The following CEP44 variants were observed in gnomAD, a reference collection of about 807,000 sequenced individuals.
The protein encoded by CEP44 is centrosomal protein of 44 kDa.
In CEP44, 45 loss-of-function variants were observed where a neutral mutation model predicts 46.7. That is an observed-to-expected ratio of 0.96 (90% CI 0.76 to 1.24). The LOEUF is 1.24. Among genes scored for constraint, CEP44 ranks in the 50% most tolerant of loss-of-function variants. CEP44 has a pLI of 0.00. For missense variants in CEP44, 475 were observed against 459.7 expected, an observed-to-expected ratio of 1.03 and a Z score of -0.30; for synonymous variants, 142 against 146.0, an observed-to-expected ratio of 0.97 and a Z score of 0.20.
At position 174,289,837 on chromosome 4, in the gene CEP44, CT is replaced by C. The variant is rs201413595; in HGVS notation, c.-148+5907del. ...TAAAGTTAGGTTGTTTTATTGAGAC[CT>C]TTTTTTTTTTTTCTTTGAGACAGAG... is the stretch of plus-strand genomic sequence containing the variant. On this transcript the variant is annotated intron_variant, in intron 1 of 11. Coordinates refer to ENST00000503780, the MANE Select transcript of CEP44 (RefSeq NM_001040157.3). Among the ~76,000 whole-genome samples the C allele has an allele frequency of 4.3e-3, 619 of 142,632 alleles. 1 individual carries two copies. The highest frequency in any genetic ancestry group is 0.01 in the African/African-American group (405 of 39,176). 93.6% of individuals were successfully genotyped at this position (142,632 alleles called of 152,430 possible).
chr4:174,303,527 C>T (rs1045082740), intron 4 of CEP44, among the ~76,000 whole-genome samples, 176 bp from the exon 5 acceptor site: 6 of 152,190 alleles, frequency 3.9e-5, no homozygotes, highest in African/African-American at 1.4e-4. Flanking sequence ...ACCTGTCTTA[C>T]TGGATCATGA....
At position 174,319,273 on chromosome 4, in the gene CEP44, T is replaced by A. The variant is rs1441649533; in HGVS notation, c.*1890T>A. On this transcript the variant is annotated 3_prime_UTR_variant, in exon 12 of 12. Coordinates refer to ENST00000503780, the MANE Select transcript of CEP44 (RefSeq NM_001040157.3). Reference sequence around the variant, plus strand: ...TGTGAGAGAAGTACATTTATAAAAATTAAGAGGTTAAGAGGTTATAGTTAT... The same window carrying A: ...TGTGAGAGAAGTACATTTATAAAAAATAAGAGGTTAAGAGGTTATAGTTAT... The A allele has an allele frequency of 2.1e-6, 2 of 967,282 alleles. No individual in the cohort carries two copies. The highest frequency in any genetic ancestry group is 2.3e-4 in the East Asian group (2 of 8,708). 59.9% of individuals were successfully genotyped at this position (967,282 alleles called of 1,614,324 possible).
chr4:174,319,240 T>G lies in CEP44; in HGVS notation c.*1857T>G. ...TTAATGAAGCATGTTAGCTTTAATT[T>G]TTTCAATTGTGAGAGAAGTACATTT... On this transcript the variant is annotated 3_prime_UTR_variant, in exon 12 of 12. Transcript: ENST00000503780. 2 of 971,336 alleles carry G rather than the reference T, an allele frequency of 2.1e-6. No homozygotes were observed. Among genetic ancestry groups the G allele is most frequent in the Non-Finnish European group, 2.4e-6 (2 of 817,040 alleles). 60.2% of individuals were successfully genotyped at this position (971,336 alleles called of 1,614,324 possible).
At chr4:174,289,676 A>G (rs1352421979) in intron 1 of CEP44, among the ~76,000 whole-genome samples, 1 of 152,038 alleles carries the variant, frequency 6.6e-6, no homozygotes, top group Non-Finnish European at 1.5e-5. Flanking sequence ...TTTTCAAAAG[A>G]GGAACTTTTA....
chr4:174,331,585 C>A lies in CEP44; in HGVS notation c.1190C>A (p.Ser397Tyr), dbSNP rs1201541803. The A allele has an allele frequency of 1.3e-6, 2 of 1,551,228 alleles. No homozygotes were observed. The highest frequency in any genetic ancestry group is 1.4e-5 in the African/African-American group (1 of 73,034). The change falls in exon 9 of 9, where the codon TCC becomes TAC. Residue 397 changes from serine to tyrosine, a missense_variant. By Grantham distance (144) the Ser-to-Tyr change is moderately radical. Coordinates refer to the CEP44 transcript ENST00000426172. This position sits in a 1 kb window ranked among gnomAD's most constrained non-coding sequence, Gnocchi z 4.5. ...TCACAGAGCTTTGCTTGGCCTCTCTCCTGTGTGTAATCTCTGTTTCTTGGA... is the reference window on the plus strand; with the variant it reads ...TCACAGAGCTTTGCTTGGCCTCTCTACTGTGTGTAATCTCTGTTTCTTGGA...
chr4:174,287,796 G>A lies in CEP44; in HGVS notation c.-148+3853G>A, dbSNP rs528471825. ...ACAATATGTTTATAAGTGTTTTGCA[G>A]TAACCTTTTTGTTTCTATAATTTCA... On this transcript the variant is annotated intron_variant, in intron 1 of 11. Coordinates refer to ENST00000503780, the MANE Select transcript of CEP44 (RefSeq NM_001040157.3). This position sits in a 1 kb window ranked among gnomAD's most constrained non-coding sequence, Gnocchi z 5.1. 8.1e-4 allele frequency among the ~76,000 whole-genome samples: 124 copies of A among 152,270 alleles called. No homozygotes were observed. Among genetic ancestry groups the A allele is most frequent in the Non-Finnish European group, 1.6e-3 (106 of 68,004 alleles).
chr4:174,301,757 C>T lies in CEP44; in HGVS notation c.90-282C>T, dbSNP rs145396724. Among the ~76,000 whole-genome samples, 2 of 152,028 alleles carry T rather than the reference C, an allele frequency of 1.3e-5. No individual in the cohort carries two copies. The highest frequency in any genetic ancestry group is 2.9e-5 in the Non-Finnish European group (2 of 67,992). The stretch of plus-strand genomic sequence containing the variant: ...TAGTAGTAGAAAATGGAGTAGATCA[C>T]GTAAGACTAAGCTTTGGAAAATCAA... On this transcript the variant is annotated intron_variant, in intron 3 of 11. Transcript: ENST00000503780. This position sits in a 1 kb window ranked among gnomAD's most constrained non-coding sequence, Gnocchi z 4.3.
chr4:174,287,052 G>A lies in CEP44; in HGVS notation c.-148+3109G>A, dbSNP rs368621077. Among the ~76,000 whole-genome samples, 1 of 152,144 alleles carries A rather than the reference G, an allele frequency of 6.6e-6. No individual in the cohort carries two copies. Among genetic ancestry groups the A allele is most frequent in the Non-Finnish European group, 1.5e-5 (1 of 68,030 alleles). ...GGCTAACCAGCAGGAGTTTGGGACC[G>A]ATGACAGTGCAAAACATCTTGACTG... On this transcript the variant is annotated intron_variant, in intron 1 of 11. Coordinates refer to ENST00000503780, the MANE Select transcript of CEP44 (RefSeq NM_001040157.3). This position sits in a 1 kb window ranked among gnomAD's most constrained non-coding sequence, Gnocchi z 5.1.
intron 1 of CEP44, among the ~76,000 whole-genome samples, chr4:174,285,994 T>C (rs917944557): frequency 1.3e-5 from 2 of 152,254 alleles, no homozygotes; most frequent in Non-Finnish European, 2.9e-5. Context: ...TTTCTAGTTA[T>C]CTCCCATTTG....
Position 174,313,338 on chromosome 4 carries a change from G to T in CEP44, c.961+2480G>T, listed in dbSNP as rs907024494. 2.7e-5 allele frequency among the ~76,000 whole-genome samples: 4 copies of T among 149,696 alleles called. No homozygotes were observed. In the Middle Eastern group the frequency reaches 0.01, roughly 384 times the overall value. ...AACTGTTAGTGCTCCTTTTTTATTT[G>T]CTTGTTTGTTTCGCTTTGTTTTGTG... is the stretch of plus-strand genomic sequence containing the variant. On this transcript the variant is annotated intron_variant, in intron 9 of 11. Coordinates refer to ENST00000503780, the MANE Select transcript of CEP44 (RefSeq NM_001040157.3).
Position 174,309,168 on chromosome 4 carries a change from C to T in CEP44, c.678+309C>T, listed in dbSNP as rs534834757. Among the ~76,000 whole-genome samples the T allele has an allele frequency of 6.6e-6, 1 of 152,062 alleles. No individual in the cohort carries two copies. The highest frequency in any genetic ancestry group is 1.5e-5 in the Non-Finnish European group (1 of 67,960). On this transcript the variant is annotated intron_variant, in intron 7 of 11. Coordinates refer to ENST00000503780, the MANE Select transcript of CEP44 (RefSeq NM_001040157.3). This position sits in a 1 kb window ranked among gnomAD's most constrained non-coding sequence, Gnocchi z 5.3. ...TATGCTACTTTGCATAGTGGAGGTT[C>T]TCTACCACCTATTTTCTTTATTGGT... is the stretch of plus-strand genomic sequence containing the variant.
chr4:174,302,124 A>G lies in CEP44; in HGVS notation c.175A>G (p.Met59Val), dbSNP rs1199296154. Reference sequence around the variant, plus strand: ...CTCACCTTATGTAACAGAACTTATAATGGAATCCAATGTAGAGCTCATAGC... The same window carrying G: ...CTCACCTTATGTAACAGAACTTATAGTGGAATCCAATGTAGAGCTCATAGC... ...SYSPYVTELI[M>V]ESNVELIAKN... The change falls in exon 4 of 12, where the codon ATG becomes GTG. Residue 59 changes from methionine (M) to valine (V), a missense_variant. By Grantham distance (21) the Met-to-Val change is conservative. Coordinates refer to ENST00000503780, the MANE Select transcript of CEP44 (RefSeq NM_001040157.3). The G allele has an allele frequency of 6.2e-7, 1 of 1,611,746 alleles. No homozygotes were observed. The highest frequency in any genetic ancestry group is 2.2e-5 in the East Asian group (1 of 44,718).
At chr4:174,296,831 A>C (rs1739087224) in intron 1 of CEP44, among the ~76,000 whole-genome samples, 1 of 139,748 alleles carries the variant, frequency 7.2e-6, no homozygotes, top group Non-Finnish European at 1.5e-5. Flanking sequence ...GTCTCCAACT[A>C]AAATAGGGGA....
intron 1 of CEP44, among the ~76,000 whole-genome samples, chr4:174,292,787 A>G (rs957852260): frequency 5.9e-5 from 9 of 151,828 alleles, no homozygotes; most frequent in East Asian, 5.8e-4. Context: ...TTCATTTTCT[A>G]TCTGGGTTTG....
intron 1 of CEP44, 120 bp downstream of exon 1, chr4:174,284,063 T>A (rs904602022): frequency 2.5e-6 from 1 of 399,106 alleles, no homozygotes; most frequent in Non-Finnish European, 4.4e-6. Context: ...GGTGACTGTG[T>A]ATGGTTGCAT....
intron 4 of CEP44, among the ~76,000 whole-genome samples, chr4:174,302,488 A>T (rs188942022): frequency 2.5e-3 from 382 of 152,250 alleles, no homozygotes; most frequent in Non-Finnish European, 4.2e-3. Context: ...GAGTAATGTA[A>T]TTATATTCAA....
At chr4:174,294,288 A>ATCT (rs1287029737) in intron 1 of CEP44, among the ~76,000 whole-genome samples, 25 of 151,950 alleles carry the variant, frequency 1.6e-4, no homozygotes, top group African/African-American at 6.0e-4. Flanking sequence ...AACAAAGCAC[A>ATCT]TCTTGCACCA....
intron 1 of CEP44, among the ~76,000 whole-genome samples, chr4:174,291,633 T>A (rs1204082933): frequency 6.6e-6 from 1 of 152,102 alleles, no homozygotes; most frequent in Admixed American, 6.5e-5. Context: ...TACTTTCATA[T>A]GCTTTCATAC....
chr4:174,319,109 C>G lies in CEP44; in HGVS notation c.*1726C>G. Reference sequence around the variant, plus strand: ...ATGGGTGAGTCACCATGCTTGGCCACATTTTTAGTATTCTAATAAACAGTT... The same window carrying G: ...ATGGGTGAGTCACCATGCTTGGCCAGATTTTTAGTATTCTAATAAACAGTT... On this transcript the variant is annotated 3_prime_UTR_variant, in exon 12 of 12. Coordinates refer to ENST00000503780, the MANE Select transcript of CEP44 (RefSeq NM_001040157.3). 1.0e-6 allele frequency: 1 copy of G among 984,184 alleles called. No individual in the cohort carries two copies. The highest frequency in any genetic ancestry group is 1.2e-6 in the Non-Finnish European group (1 of 828,856). The allele number at this position is 984,184 out of a possible 1,614,324, so 61.0% of individuals were successfully genotyped here. A position where few individuals can be genotyped will look rare whatever the true frequency, so the allele number is the denominator to read the frequency against.
Sources: gnomAD v4.1 joint callset for allele counts (sites outside exome capture counted in the v4.1 genomes callset) on GRCh38, gnomAD v4.1.1 for gene constraint, Gnocchi (gnomAD v3.1) non-coding constraint, MANE v1.5 for transcripts, NCBI Gene and HGNC (gene_info 2026-07-23, HGNC 2026-07-21) for gene names.